FSTL4: variants seen among roughly 807,000 people sequenced by gnomAD.
FSTL4 encodes the protein follistatin like 4.
A neutral mutation model predicts 78.2 loss-of-function variants in FSTL4; 28 were observed. The observed-to-expected ratio is 0.36, with a 90% CI of 0.27 to 0.49. The LOEUF (loss-of-function observed/expected upper bound fraction) is 0.49. Ranked by LOEUF, FSTL4 falls within the 20% of genes least tolerant of loss-of-function variation. The probability of loss-of-function intolerance (pLI) is 0.98; values close to 1 mark genes in which losing one functional copy is unlikely to be tolerated. For missense variants in FSTL4, 922 were observed against 1,084.9 expected, an observed-to-expected ratio of 0.85 and a Z score of 2.11; for synonymous variants, 422 against 440.5, an observed-to-expected ratio of 0.96 and a Z score of 0.53.
chr5:133,636,069 C>G, the FSTL4 span, among the ~76,000 whole-genome samples: 1 of 152,094 alleles, frequency 6.6e-6, no homozygotes, highest in East Asian at 1.9e-4. Flanking sequence ...TATAATAGTC[C>G]CTCAATAAAT....
chr5:133,327,920 A>G (rs573823690), intron 4 of FSTL4, among the ~76,000 whole-genome samples: 1 of 152,330 alleles, frequency 6.6e-6, no homozygotes, highest in South Asian at 2.1e-4. Flanking sequence ...TTAGCCCCTC[A>G]TCCTCCCAGG....
chr5:133,612,917 C>T (rs1761135251), upstream of FSTL4, among the ~76,000 whole-genome samples: 1 of 152,190 alleles, frequency 6.6e-6, no homozygotes, highest in South Asian at 2.1e-4. The surrounding 1 kb of genome is among the most constrained non-coding windows in gnomAD (Gnocchi z 6.2). Context: ...GCCGGTACAC[C>T]ACAGCAGGAG....
chr5:133,788,996 G>C, the FSTL4 span, among the ~76,000 whole-genome samples: 1 of 152,142 alleles, frequency 6.6e-6, no homozygotes, highest in Non-Finnish European at 1.5e-5. Flanking sequence ...ACCCCTCTCT[G>C]CTCCTCCTTC....
intron 4 of FSTL4, among the ~76,000 whole-genome samples, chr5:133,370,929 T>C (rs1008972190): frequency 1.3e-5 from 2 of 152,064 alleles, no homozygotes; most frequent in African/African-American, 4.8e-5. Flanking sequence ...CAACCCAGGG[T>C]AAGAGATGGC....
At chr5:133,738,370 T>G in the FSTL4 span, among the ~76,000 whole-genome samples, 2 of 152,246 alleles carry the variant, frequency 1.3e-5, no homozygotes, top group African/African-American at 4.8e-5. Context: ...TCTCCACTTG[T>G]GAAGAGTGTA....
the FSTL4 span, among the ~76,000 whole-genome samples, chr5:133,779,907 A>C: frequency 1.2e-4 from 18 of 152,170 alleles, no homozygotes; most frequent in Non-Finnish European, 1.8e-4. Context: ...TCCCATGAAA[A>C]GCCAGAAGGG....
intron 3 of FSTL4, among the ~76,000 whole-genome samples, chr5:133,481,037 T>C (rs967125914): frequency 6.6e-6 from 1 of 152,130 alleles, no homozygotes; most frequent in African/African-American, 2.4e-5. Flanking sequence ...GAACCCAGGC[T>C]GGAAGGGACC....
the FSTL4 span, among the ~76,000 whole-genome samples, chr5:133,749,751 C>T: frequency 6.6e-6 from 1 of 152,198 alleles, no homozygotes; most frequent in Non-Finnish European, 1.5e-5. Flanking sequence ...CTCTTCCCTC[C>T]CACGATCACT....
intron 3 of FSTL4, among the ~76,000 whole-genome samples, chr5:133,424,728 C>T (rs1175415805): frequency 2.0e-5 from 3 of 152,232 alleles, no homozygotes; most frequent in African/African-American, 7.2e-5. Flanking sequence ...TAGCTGGGCT[C>T]ACTTCTAAAT....
chr5:133,714,798 A>T, the FSTL4 span, among the ~76,000 whole-genome samples: 25 of 152,188 alleles, frequency 1.6e-4, no homozygotes, highest in Non-Finnish European at 3.5e-4. Context: ...TCATTTCATG[A>T]TTGACACACA....
rs556145276 is a variant in FSTL4 at position 133,309,578 on chromosome 5, T to C, written c.727+3076A>G. Reference sequence around the variant, plus strand: ...GCTCAGCACAGACATCCACCAGCTGTGGGACTCCTAGCATCACCCTCCACC... The same window carrying C: ...GCTCAGCACAGACATCCACCAGCTGCGGGACTCCTAGCATCACCCTCCACC... On this transcript the variant is annotated intron_variant, in intron 6 of 15. Transcript: ENST00000265342. Among the ~76,000 whole-genome samples, 9 of 152,198 alleles carry C rather than the reference T, an allele frequency of 5.9e-5. No individual in the cohort carries two copies. The East Asian group carries it at 1.6e-3, about 26-fold the overall frequency.
At chr5:133,253,314 C>T (rs1301090340) in intron 6 of FSTL4, among the ~76,000 whole-genome samples, 2 of 152,232 alleles carry the variant, frequency 1.3e-5, no homozygotes, top group African/African-American at 4.8e-5. Flanking sequence ...GTGAGCAGGG[C>T]AGGCCACCTG....
chr5:133,540,720 C>CAAAAAAAAAAAA (rs79162509), intron 3 of FSTL4, among the ~76,000 whole-genome samples: 27 of 70,232 alleles, frequency 3.8e-4, no homozygotes, highest in South Asian at 6.1e-4. Context: ...TTAACATAGG[C>CAAAAAAAAAAAA]AAAAAAAAAA....
intron 3 of FSTL4, among the ~76,000 whole-genome samples, chr5:133,435,513 C>T (rs1239761420): frequency 2.0e-5 from 3 of 152,184 alleles, no homozygotes; most frequent in African/African-American, 7.2e-5. Flanking sequence ...AGAAGAGCCA[C>T]CATATCCAAC....
At chr5:133,362,817 T>A (rs1384234089) in intron 4 of FSTL4, among the ~76,000 whole-genome samples, 14 of 152,260 alleles carry the variant, frequency 9.2e-5, no homozygotes, top group Admixed American at 6.5e-5. Context: ...TTAATTTCTA[T>A]TTTAAAAGCA....
the FSTL4 span, among the ~76,000 whole-genome samples, chr5:133,668,749 G>A: frequency 6.6e-6 from 1 of 152,162 alleles, no homozygotes; most frequent in East Asian, 1.9e-4. Context: ...GTCAAGCTGG[G>A]GGTTAAGGCT....
intron 3 of FSTL4, among the ~76,000 whole-genome samples, chr5:133,540,711 T>C (rs1270375126): frequency 1.3e-5 from 1 of 79,480 alleles, no homozygotes; most frequent in Non-Finnish European, 2.4e-5. Flanking sequence ...TCTCATGTTT[T>C]AACATAGGCA....
chr5:133,480,813 T>G (rs1014325335), intron 3 of FSTL4, among the ~76,000 whole-genome samples: 1 of 152,184 alleles, frequency 6.6e-6, no homozygotes. Flanking sequence ...TAGTGGATGA[T>G]AGTTCTTCTG....
the FSTL4 span, among the ~76,000 whole-genome samples, chr5:133,666,740 A>G: frequency 6.6e-6 from 1 of 152,250 alleles, no homozygotes; most frequent in Admixed American, 6.5e-5. Flanking sequence ...TGACAGTTAA[A>G]ACTTTTTTCT....
Sources: allele counts gnomAD v4.1 joint callset (sites outside exome capture counted in the v4.1 genomes callset), GRCh38; gene constraint gnomAD v4.1.1; non-coding constraint Gnocchi (gnomAD v3.1); transcripts MANE v1.5; gene names NCBI Gene and HGNC (gene_info 2026-07-23, HGNC 2026-07-21).